EFL1: variants seen among roughly 807,000 people sequenced by gnomAD.
EFL1 encodes the protein elongation factor like GTPase 1, also known as elongation factor-like GTPase 1.
EFL1 carries 76 observed loss-of-function variants against 126.7 expected under a neutral mutation model. That is an observed-to-expected ratio of 0.60 (90% confidence interval 0.50 to 0.73). The LOEUF is 0.73. Ranked by LOEUF, EFL1 falls within the 30% of genes least tolerant of loss-of-function variation. The pLI is 0.00. For missense variants in EFL1, 1,128 were observed against 1,343.2 expected (o/e 0.84, Z 2.50); for synonymous variants, 410 against 448.4 (o/e 0.91, Z 1.08).
intron 15 of EFL1, among the ~76,000 whole-genome samples, chr15:82,208,750 A>G (rs2074552347): frequency 6.6e-6 from 1 of 152,142 alleles, no homozygotes; most frequent in South Asian, 2.1e-4. Context: ...TTCAGATGCT[A>G]AGAATGCATC....
At chr15:82,203,379 G>GT (rs1413397324) in intron 15 of EFL1, among the ~76,000 whole-genome samples, 3 of 151,680 alleles carry the variant, frequency 2.0e-5, no homozygotes, top group African/African-American at 7.3e-5. Context: ...TGTTTTTTGG[G>GT]TTTTTTTGAG....
At chr15:82,178,926 G>A (rs1364079499) in intron 15 of EFL1, among the ~76,000 whole-genome samples, 3 of 152,096 alleles carry the variant, frequency 2.0e-5, no homozygotes, top group African/African-American at 7.2e-5. Flanking sequence ...AGGCCCAGGA[G>A]TTCAAGACCA....
chr15:82,186,571 A>G (rs2074305800), intron 15 of EFL1, among the ~76,000 whole-genome samples: 1 of 152,136 alleles, frequency 6.6e-6, no homozygotes, highest in East Asian at 1.9e-4. Flanking sequence ...TTAAGCATTC[A>G]TTGCCTTTAT....
At position 82,214,754 on chromosome 15, in the gene EFL1, C is replaced by T. The variant is rs2074627257; in HGVS notation, c.1713G>A (p.Leu571=). The part of the protein sequence containing the change: ...ENLYLLMGRE[L]EYLEEVPPGN... ...CTGGAGGTACCTCCTCTAGATATTC[C>T]AGTTCCCTTCCCATCAGAAGATACA... is the stretch of plus-strand genomic sequence containing the variant. The change falls in exon 15 of 20, where the codon CTG becomes CTA. Residue 571 remains leucine (L), a synonymous_variant. Transcript: ENST00000268206. 3 of 1,599,376 alleles carry T rather than the reference C, an allele frequency of 1.9e-6. No individual in the cohort carries two copies. Among genetic ancestry groups the T allele is most frequent in the African/African-American group, 1.3e-5 (1 of 74,180 alleles).
At chr15:82,194,244 G>A (rs1044866355) in intron 15 of EFL1, among the ~76,000 whole-genome samples, 23 of 152,112 alleles carry the variant, frequency 1.5e-4, no homozygotes, top group African/African-American at 4.6e-4. Flanking sequence ...ACCAAATTTC[G>A]CTCTTCATTT....
intron 15 of EFL1, among the ~76,000 whole-genome samples, chr15:82,199,288 A>G (rs1426064179): frequency 1.3e-5 from 2 of 152,220 alleles, no homozygotes; most frequent in Non-Finnish European, 2.9e-5. Flanking sequence ...TGACACTAAG[A>G]TAGCAGTTGG....
Position 82,251,323 on chromosome 15 carries a change from T to C in EFL1, c.244+1368A>G, listed in dbSNP as rs72751611. ...AGACCATTCAGTTCCCAGGGTCCTATAGCAAATTCTCCTACAATACTACAC... is the reference window on the plus strand; with the variant it reads ...AGACCATTCAGTTCCCAGGGTCCTACAGCAAATTCTCCTACAATACTACAC... On this transcript the variant is annotated intron_variant, in intron 4 of 19. Coordinates refer to ENST00000268206, the MANE Select transcript of EFL1 (RefSeq NM_024580.6). Among the ~76,000 whole-genome samples, 1,053 of 152,324 alleles carry C rather than the reference T, an allele frequency of 6.9e-3. 9 individuals carry two copies. The highest frequency in any genetic ancestry group is 8.2e-3 in the Non-Finnish European group (558 of 68,032).
At chr15:82,258,356 C>G (rs572100942) in intron 3 of EFL1, among the ~76,000 whole-genome samples, 2 of 152,014 alleles carry the variant, frequency 1.3e-5, no homozygotes, top group Non-Finnish European at 2.9e-5. Context: ...CCCAGGAGTT[C>G]AAGATCAGCC....
Position 82,169,116 on chromosome 15 carries a change from G to A in EFL1, c.1751-5132C>T, listed in dbSNP as rs534742042. Among the ~76,000 whole-genome samples the A allele has an allele frequency of 6.6e-5, 10 of 152,218 alleles. No individual in the cohort carries two copies. The South Asian group carries it at 1.0e-3, about 16-fold the overall frequency. ...GCTTGGTTCTCATCAAGGGAATAAC[G>A]CGGTTCTCAGTGTGGGGGTCTAGGA... On this transcript the variant is annotated intron_variant, in intron 15 of 19. Transcript: ENST00000268206.
At chr15:82,256,847 T>C (rs1304148516) in intron 3 of EFL1, among the ~76,000 whole-genome samples, 1 of 152,216 alleles carries the variant, frequency 6.6e-6, no homozygotes, top group Non-Finnish European at 1.5e-5. Context: ...CATCTTTTTA[T>C]ACTATGCTGA....
intron 15 of EFL1, among the ~76,000 whole-genome samples, chr15:82,176,368 T>C (rs1190785577): frequency 6.6e-6 from 1 of 152,076 alleles, no homozygotes. Flanking sequence ...AGAACTTCCG[T>C]TTATCAAGAG....
intron 15 of EFL1, among the ~76,000 whole-genome samples, chr15:82,175,063 G>A (rs540080767): frequency 9.2e-5 from 14 of 152,320 alleles, no homozygotes; most frequent in Non-Finnish European, 1.9e-4. Context: ...CACCACAGGG[G>A]AGACAGAGAT....
intron 15 of EFL1, among the ~76,000 whole-genome samples, chr15:82,193,383 ATCCT>A (rs1238750114): frequency 6.6e-6 from 1 of 152,224 alleles, no homozygotes; most frequent in Non-Finnish European, 1.5e-5. Flanking sequence ...ATTCATGCAC[ATCCT>A]TCCTTATCTA....
At chr15:82,181,702 C>G (rs1474656518) in intron 15 of EFL1, among the ~76,000 whole-genome samples, 1 of 151,936 alleles carries the variant, frequency 6.6e-6, no homozygotes, top group Non-Finnish European at 1.5e-5. Flanking sequence ...AACAAGTTCT[C>G]TGGTAGGCCA....
chr15:82,240,092 C>A (rs1411238787), intron 6 of EFL1, among the ~76,000 whole-genome samples: 2 of 152,104 alleles, frequency 1.3e-5, no homozygotes, highest in Admixed American at 1.3e-4. Context: ...TGAATGAATG[C>A]TTGGGTAAAA....
intron 14 of EFL1, among the ~76,000 whole-genome samples, chr15:82,217,991 T>C (rs567354837): frequency 1.3e-5 from 2 of 152,330 alleles, no homozygotes; most frequent in South Asian, 4.1e-4. Flanking sequence ...GGACTCTTAG[T>C]ACTGCAGGTG....
chr15:82,174,637 C>G (rs963105318), intron 15 of EFL1, among the ~76,000 whole-genome samples: 6 of 152,146 alleles, frequency 3.9e-5, no homozygotes, highest in African/African-American at 1.4e-4. Flanking sequence ...GGATTCCTAT[C>G]TGATAGGGAA....
At chr15:82,199,763 T>C (rs2074447681) in intron 15 of EFL1, among the ~76,000 whole-genome samples, 1 of 152,224 alleles carries the variant, frequency 6.6e-6, no homozygotes, top group Non-Finnish European at 1.5e-5. Flanking sequence ...GGCAACTTGC[T>C]TAGCTTTTTC....
chr15:82,168,665 A>G (rs1438578144), intron 15 of EFL1, among the ~76,000 whole-genome samples: 2 of 152,126 alleles, frequency 1.3e-5, no homozygotes, highest in African/African-American at 2.4e-5. Context: ...GGCACTTGCC[A>G]CCACGCCCGG....
Sources: allele counts gnomAD v4.1 joint callset (sites outside exome capture counted in the v4.1 genomes callset), GRCh38; gene constraint gnomAD v4.1.1; transcripts MANE v1.5; gene names NCBI Gene and HGNC (gene_info 2026-07-23, HGNC 2026-07-21).